COPG1: variants seen among roughly 807,000 people sequenced by gnomAD.
COPG1 encodes the protein coatomer subunit gamma-1.
Under a neutral mutation model 102.8 loss-of-function variants are expected in COPG1, and 29 were observed. The observed-to-expected ratio is 0.28, with a 90% CI of 0.21 to 0.38. The LOEUF is 0.38. Ranked by LOEUF, COPG1 falls within the 10% of genes least tolerant of loss-of-function variation. The pLI is 1.00. For missense variants in COPG1, 875 were observed against 1,132.7 expected (o/e 0.77, Z 3.27); for synonymous variants, 406 against 421.6 (o/e 0.96, Z 0.45).
intron 1 of COPG1, 30 bp from the exon 2 acceptor site, chr3:129,250,652 A>G (rs754754111): frequency 1.9e-6 from 3 of 1,604,040 alleles, no homozygotes; most frequent in South Asian, 1.1e-5. Context: ...CAGAGTCACA[A>G]CCTACCTTCT....
At chr3:129,249,831 C>CT in intron 1 of COPG1, 85 bp downstream of exon 1, 1 of 1,438,666 alleles carries the variant, frequency 7.0e-7, no homozygotes, top group African/African-American at 1.4e-5. Context: ...GACCCGGAGG[C>CT]TGAGGCCCAG....
In COPG1 at chr3:129,265,541, C is replaced by G. The variant is rs201704206; in HGVS notation, c.1225-8C>G. ...AGGCTCCTTGCTTAGCTCAGCTTCT[C>G]TCTGCAGGGTGGCTTTGAGTATAAG... On this transcript the variant is annotated splice_region_variant and splice_polypyrimidine_tract_variant and intron_variant, in intron 13 of 23. Coordinates refer to ENST00000314797, the MANE Select transcript of COPG1 (RefSeq NM_016128.4). The G allele has an allele frequency of 3.8e-5, 62 of 1,613,816 alleles. No individual in the cohort carries two copies. In the African/African-American group the frequency reaches 7.6e-4, roughly 20 times the overall value.
chr3:129,258,265 G>T (rs555443818), intron 10 of COPG1, among the ~76,000 whole-genome samples: 1 of 152,236 alleles, frequency 6.6e-6, no homozygotes. Context: ...GGCAGCCTGG[G>T]TTAGAGCCCT....
intron 17 of COPG1, 131 bp downstream of exon 17, chr3:129,268,751 C>T: frequency 1.6e-6 from 2 of 1,222,894 alleles, no homozygotes; most frequent in Non-Finnish European, 2.3e-6. Context: ...ATCTTTTCCA[C>T]CTCTGGCTCC....
At chr3:129,267,910 C>G in intron 15 of COPG1, 27 bp from the exon 16 acceptor site, 1 of 1,593,532 alleles carries the variant, frequency 6.3e-7, no homozygotes, top group Non-Finnish European at 8.6e-7. Flanking sequence ...GGGTCCCAGT[C>G]AGGACCACCT....
chr3:129,257,144 A>G (rs920655541), intron 8 of COPG1, among the ~76,000 whole-genome samples: 2 of 152,202 alleles, frequency 1.3e-5, no homozygotes, highest in Non-Finnish European at 2.9e-5. Flanking sequence ...TCATTGTCTG[A>G]TTGAAAGCAC....
chr3:129,255,066 G>A lies in COPG1; in HGVS notation c.481G>A (p.Val161Met), dbSNP rs756837844. Residue 161 changes from valine to methionine, a missense_variant, in exon 7 of 24, where the codon GTG becomes ATG. Transcript: ENST00000314797. ...KVPSVSSSAL[V>M]SSLHLLKCSF... ...GCCCAGTGTCTCCAGCTCTGCCCTC[G>A]TGTCTTCCTTGGTGTGTAGTTGCTG... The A allele has an allele frequency of 7.4e-6, 12 of 1,613,338 alleles. No individual in the cohort carries two copies. Among genetic ancestry groups the A allele is most frequent in the East Asian group, 2.2e-5 (1 of 44,886 alleles).
At chr3:129,273,902 A>C (rs932909626) in intron 21 of COPG1, among the ~76,000 whole-genome samples, 2 of 152,186 alleles carry the variant, frequency 1.3e-5, no homozygotes, top group African/African-American at 4.8e-5. Context: ...GGTGGAACTA[A>C]GTACAGGATC....
At chr3:129,256,837 T>A (rs1939820407) in intron 8 of COPG1, among the ~76,000 whole-genome samples, 2 of 152,268 alleles carry the variant, frequency 1.3e-5, no homozygotes, top group Non-Finnish European at 2.9e-5. Context: ...ATAGAAGGCT[T>A]CCACAGCTGC....
chr3:129,251,383 A>T (rs1284947851), intron 2 of COPG1, among the ~76,000 whole-genome samples: 1 of 147,564 alleles, frequency 6.8e-6, no homozygotes, highest in Admixed American at 6.8e-5. Flanking sequence ...ATATATATAT[A>T]TATATGTATT....
chr3:129,265,459 T>G, intron 13 of COPG1, 90 bp from the exon 14 acceptor site: 2 of 1,502,668 alleles, frequency 1.3e-6, no homozygotes, highest in Non-Finnish European at 1.8e-6. Context: ...CCAAGTTCTG[T>G]GTTTGGACAA....
intron 12 of COPG1, 23 bp from the exon 13 acceptor site, chr3:129,263,881 T>C (rs774936443): frequency 6.2e-7 from 1 of 1,606,662 alleles, no homozygotes. Context: ...GGCCTGCTGC[T>C]CATGCACGTC....
At position 129,257,632 on chromosome 3, in the gene COPG1, CG is replaced by C. The variant is rs1560063516; in HGVS notation, c.737+7del. 1 of 1,614,190 alleles carries C rather than the reference CG, an allele frequency of 6.2e-7. No homozygotes were observed. Among genetic ancestry groups the C allele is most frequent in the African/African-American group, 1.3e-5 (1 of 75,064 alleles). On this transcript the variant is annotated splice_donor_region_variant and intron_variant, in intron 9 of 23. Transcript: ENST00000314797. ...GCTGGAAGAGGAGGATGGCAGGTAA[CG>C]GCTCTCATCTCTCACCAGCTAGATG...
At position 129,277,411 on chromosome 3, in the gene COPG1, C is replaced by T. The variant is rs1431347610; in HGVS notation, c.2612C>T (p.Ala871Val). 1 of 1,613,844 alleles carries T rather than the reference C, an allele frequency of 6.2e-7. No individual in the cohort carries two copies. Among genetic ancestry groups the T allele is most frequent in the Admixed American group, 1.7e-5 (1 of 60,012 alleles). Residue 871 changes from alanine (A) to valine (V), a missense_variant, in exon 24 of 24, where the codon GCA becomes GTA. Coordinates refer to ENST00000314797, the MANE Select transcript of COPG1 (RefSeq NM_016128.4). ...LEELPVDIIL[A>V]SVG ...GAGCTGCCAGTAGACATCATCTTGG[C>T]ATCTGTGGGATAAGAGGCCAGCCTG...
rs59294610 is a variant in COPG1 at position 129,275,971 on chromosome 3, TACACACACACACAC to T, written c.2494+693_2494+706del. On this transcript the variant is annotated intron_variant, in intron 23 of 23. Coordinates refer to ENST00000314797, the MANE Select transcript of COPG1 (RefSeq NM_016128.4). The surrounding 1 kb of genome is among the most constrained non-coding windows in gnomAD (Gnocchi z 5.0). ...ACAGATGTTACAGTAAATAATCGTG[TACACACACACACAC>T]ACACACACACACAGTTTACTTTGCA... 1.3e-5 allele frequency among the ~76,000 whole-genome samples: 2 copies of T among 149,294 alleles called. No homozygotes were observed. The highest frequency in any genetic ancestry group is 4.9e-5 in the African/African-American group (2 of 41,004).
chr3:129,271,917 A>G lies in COPG1; in HGVS notation c.1986+8A>G, dbSNP rs1216520616. 1.2e-6 allele frequency: 2 copies of G among 1,613,514 alleles called. No homozygotes were observed. Among genetic ancestry groups the G allele is most frequent in the Non-Finnish European group, 1.7e-6 (2 of 1,179,720 alleles). On this transcript the variant is annotated splice_region_variant and intron_variant, in intron 19 of 23. Coordinates refer to ENST00000314797, the MANE Select transcript of COPG1 (RefSeq NM_016128.4). This position sits in a 1 kb window ranked among gnomAD's most constrained non-coding sequence, Gnocchi z 4.7. The stretch of plus-strand genomic sequence containing the variant: ...AACCACATGGTTTTTCAGGTGAGCA[A>G]GGTGGGCTGAGGCCCTGCTGGGGCA...
At chr3:129,266,500 T>C (rs1940064181) in intron 14 of COPG1, among the ~76,000 whole-genome samples, 1 of 152,128 alleles carries the variant, frequency 6.6e-6, no homozygotes, top group Non-Finnish European at 1.5e-5. Context: ...GAGATATAAT[T>C]CACATGCCAT....
intron 5 of COPG1, among the ~76,000 whole-genome samples, chr3:129,253,994 G>C (rs7429707): frequency 0.11 from 15,651 of 140,674 alleles, 2,410 homozygotes; most frequent in African/African-American, 0.36. Flanking sequence ...GAACGAGACT[G>C]CGTCTCAAAA....
chr3:129,252,999 G>T (rs541934215), intron 5 of COPG1, 44 bp downstream of exon 5: 1 of 1,544,082 alleles, frequency 6.5e-7, no homozygotes, highest in African/African-American at 1.4e-5. Context: ...GGGTTCCATT[G>T]ACAGACCATT....
Sources: allele counts gnomAD v4.1 joint callset (sites outside exome capture counted in the v4.1 genomes callset), GRCh38; gene constraint gnomAD v4.1.1; non-coding constraint Gnocchi (gnomAD v3.1); transcripts MANE v1.5; gene names NCBI Gene and HGNC (gene_info 2026-07-23, HGNC 2026-07-21).